Variants in AGXT2 observed in about 807,000 individuals in gnomAD.
AGXT2 encodes alanine--glyoxylate aminotransferase 2, mitochondrial.
AGXT2 carries 61 observed loss-of-function variants against 62.5 expected under a neutral mutation model. That is an observed-to-expected ratio of 0.98 (90% CI 0.79 to 1.21). AGXT2 has a LOEUF of 1.21. Among genes scored for constraint, AGXT2 ranks in the 50% most tolerant of loss-of-function variants. AGXT2 has a pLI of 0.00. For synonymous variants in AGXT2, 243 were observed against 218.7 expected (o/e 1.11, Z -0.98); for missense variants, 666 against 641.5 (o/e 1.04, Z -0.41).
At chr5:35,003,702 C>T in intron 13 of AGXT2, 61 bp downstream of exon 13, 13 of 1,470,068 alleles carry the variant, frequency 8.8e-6, no homozygotes, top group Non-Finnish European at 1.2e-5. Context: ...CTGTGACCAG[C>T]ATTAGGAAAT....
intron 9 of AGXT2, among the ~76,000 whole-genome samples, chr5:35,024,796 C>G (rs1051961729): frequency 6.6e-6 from 1 of 151,954 alleles, no homozygotes; most frequent in South Asian, 2.1e-4. Context: ...CGGAGAAACC[C>G]CAGTCTCTAC....
intron 4 of AGXT2, 144 bp downstream of exon 4, chr5:35,036,798 T>C: frequency 8.5e-7 from 1 of 1,172,252 alleles, no homozygotes; most frequent in Non-Finnish European, 1.2e-6. Context: ...AGATGTTCAG[T>C]GCACAGGCTA....
At chr5:35,005,359 G>A (rs1766383323) in intron 12 of AGXT2, among the ~76,000 whole-genome samples, 1 of 152,166 alleles carries the variant, frequency 6.6e-6, no homozygotes, top group Admixed American at 6.5e-5. Flanking sequence ...CTCCCCACTA[G>A]CTGGGATTAC....
chr5:35,014,245 A>C (rs1766760620), intron 9 of AGXT2, 126 bp from the exon 10 acceptor site: 7 of 1,284,686 alleles, frequency 5.4e-6, no homozygotes, highest in Non-Finnish European at 7.7e-6. Context: ...TGAGGTCAGG[A>C]GTTCAAGACC....
At chr5:35,023,282 G>A (rs1238002308) in intron 9 of AGXT2, among the ~76,000 whole-genome samples, 2 of 152,078 alleles carry the variant, frequency 1.3e-5, no homozygotes, top group South Asian at 2.1e-4. Context: ...CGTGGGAACA[G>A]CAGCAACAGG....
rs1229016810 is a variant in AGXT2, at chr5:35,014,182, G to A, written c.964-63C>T. ...AGAAATGCTGTTTTCGACAGGGCGC[G>A]GTGGCTCACACCTGTAATCCCAGCA... On this transcript the variant is annotated intron_variant, in intron 9 of 13. Transcript: ENST00000231420. 1.6e-5 allele frequency: 25 copies of A among 1,606,450 alleles called. 1 individual carries two copies. Among genetic ancestry groups the A allele is most frequent in the East Asian group, 9.0e-5 (4 of 44,502 alleles).
chr5:35,031,817 A>T (rs755690100), intron 7 of AGXT2, among the ~76,000 whole-genome samples: 26 of 148,956 alleles, frequency 1.7e-4, no homozygotes, highest in Admixed American at 2.7e-4. Flanking sequence ...GAGTTTTGAG[A>T]TTGCCAAAAG....
At chr5:35,026,136 G>A (rs1462050680) in intron 8 of AGXT2, 28 of 592,328 alleles carry the variant, frequency 4.7e-5, no homozygotes, top group Non-Finnish European at 8.3e-5. Context: ...GGACAATGCG[G>A]ATGTTATTAA....
At chr5:35,045,764 C>CTTTTTT (rs1255749919) in intron 1 of AGXT2, among the ~76,000 whole-genome samples, 9 of 99,142 alleles carry the variant, frequency 9.1e-5, no homozygotes, top group South Asian at 3.5e-4. Context: ...TTTCTTTTTT[C>CTTTTTT]TTTTTTTTTT....
intron 13 of AGXT2, among the ~76,000 whole-genome samples, chr5:35,002,782 G>C (rs902391951): frequency 2.6e-5 from 4 of 152,002 alleles, no homozygotes; most frequent in Admixed American, 6.6e-5. Flanking sequence ...AGGCTGGGGG[G>C]GGGGACTAAC....
intron 11 of AGXT2, among the ~76,000 whole-genome samples, chr5:35,011,918 ACAC>A (rs1484992101): frequency 9.9e-5 from 3 of 30,344 alleles, no homozygotes; most frequent in Admixed American, 9.4e-4. Flanking sequence ...TGGTGTATAC[ACAC>A]ACACACACAC....
At chr5:35,020,829 G>A (rs1157677318) in intron 9 of AGXT2, among the ~76,000 whole-genome samples, 2 of 152,130 alleles carry the variant, frequency 1.3e-5, no homozygotes, top group South Asian at 4.2e-4. Context: ...AAACCCCATT[G>A]TCTCAGCCCA....
At chr5:35,041,430 G>A (rs1161880087) in intron 1 of AGXT2, among the ~76,000 whole-genome samples, 1 of 151,966 alleles carries the variant, frequency 6.6e-6, no homozygotes, top group Non-Finnish European at 1.5e-5. Context: ...GGTGAAGAAC[G>A]GGAACAAAAC....
intron 13 of AGXT2, among the ~76,000 whole-genome samples, chr5:35,003,497 A>G (rs879830668): frequency 2.0e-5 from 3 of 151,798 alleles, no homozygotes; most frequent in South Asian, 2.1e-4. Flanking sequence ...GTCTGCCTCT[A>G]TCTTTACCCC....
In AGXT2 at chr5:34,998,962, C is replaced by T; in HGVS notation, c.1438-136G>A. On this transcript the variant is annotated intron_variant, in intron 13 of 13. Transcript: ENST00000231420. The stretch of plus-strand genomic sequence containing the variant: ...GTTTCTCTCAGTTTGGTTCCTCCTC[C>T]ATCCCCAATGCTGAATCCAGGCCAT... 4 of 719,132 alleles carry T rather than the reference C, an allele frequency of 5.6e-6. No homozygotes were observed. The South Asian group carries it at 6.1e-5, about 11-fold the overall frequency. The allele number at this position is 719,132 out of a possible 1,614,324, so 44.5% of individuals were successfully genotyped here. A position where few individuals can be genotyped will look rare whatever the true frequency, so the allele number is the denominator to read the frequency against.
In AGXT2 at chr5:34,998,310, A is replaced by G; in HGVS notation, c.*409T>C. 1 of 260,378 alleles carries G rather than the reference A, an allele frequency of 3.8e-6. No homozygotes were observed. Among genetic ancestry groups the G allele is most frequent in the East Asian group, 9.8e-5 (1 of 10,208 alleles). The allele number at this position is 260,378 out of a possible 1,614,324, so 16.1% of individuals were successfully genotyped here. A position where few individuals can be genotyped will look rare whatever the true frequency, so the allele number is the denominator to read the frequency against. On this transcript the variant is annotated 3_prime_UTR_variant, in exon 14 of 14. Transcript: ENST00000231420. ...CATGAACATATGGTGTTCTCAGCGC[A>G]ACAAGAAGACATCTCTTCTTGAACT...
chr5:35,000,775 A>G (rs1309604868), intron 13 of AGXT2, among the ~76,000 whole-genome samples: 2 of 152,218 alleles, frequency 1.3e-5, no homozygotes, highest in Non-Finnish European at 2.9e-5. Context: ...AGATTTCCTC[A>G]TCTCACTGTG....
chr5:35,032,475 C>T (rs1264406143), intron 7 of AGXT2, among the ~76,000 whole-genome samples: 4 of 152,158 alleles, frequency 2.6e-5, no homozygotes, highest in African/African-American at 9.7e-5. Flanking sequence ...AGCTGATAGT[C>T]GTTTTTTTGA....
intron 1 of AGXT2, among the ~76,000 whole-genome samples, chr5:35,044,912 T>G (rs1303384631): frequency 6.6e-6 from 1 of 152,144 alleles, no homozygotes; most frequent in Non-Finnish European, 1.5e-5. Context: ...ATTTTAAATG[T>G]TTTCTTAAAA....
Sources: allele counts gnomAD v4.1 joint callset (sites outside exome capture counted in the v4.1 genomes callset), GRCh38; gene constraint gnomAD v4.1.1; transcripts MANE v1.5; gene names NCBI Gene and HGNC (gene_info 2026-07-23, HGNC 2026-07-21).